The following AFF1 variants were observed in gnomAD, a reference collection of about 807,000 sequenced individuals.
The protein encoded by AFF1 is ALF transcription elongation factor 1.
In AFF1, 48 loss-of-function variants were observed where a neutral mutation model predicts 121.7. That is an observed-to-expected ratio of 0.39 (90% CI 0.31 to 0.50). The LOEUF (loss-of-function observed/expected upper bound fraction) is 0.50, where lower values mean the gene tolerates loss of function less well. Among genes scored for constraint, AFF1 ranks in the 20% least tolerant of loss-of-function variants. The pLI is 0.76. For synonymous variants in AFF1, 613 were observed against 563.0 expected (o/e 1.09, Z -1.26); for missense variants, 1,523 against 1,511.7 (o/e 1.01, Z -0.12).
chr4:87,135,842 A>C lies in AFF1; in HGVS notation c.*141A>C, dbSNP rs1238106265. Reference sequence around the variant, plus strand: ...AGATGGCCAGGACATTTGTCCACTTAAACTCTCAACAACAGTGTGATCATT... The same window carrying C: ...AGATGGCCAGGACATTTGTCCACTTCAACTCTCAACAACAGTGTGATCATT... On this transcript the variant is annotated 3_prime_UTR_variant, in exon 21 of 21. Coordinates refer to ENST00000395146, the MANE Select transcript of AFF1 (RefSeq NM_001166693.3). 7.7e-7 allele frequency: 1 copy of C among 1,294,730 alleles called. No individual in the cohort carries two copies. The highest frequency in any genetic ancestry group is 2.6e-5 in the East Asian group (1 of 38,332). 80.2% of individuals were successfully genotyped at this position (1,294,730 alleles called of 1,614,324 possible).
At chr4:87,010,911 C>CTA (rs1726672139) in intron 2 of AFF1, among the ~76,000 whole-genome samples, 1 of 151,906 alleles carries the variant, frequency 6.6e-6, no homozygotes, top group South Asian at 2.1e-4. Context: ...CCCATCTCTA[C>CTA]TAAAAATACA....
At chr4:87,012,956 C>G (rs1726929779) in intron 2 of AFF1, among the ~76,000 whole-genome samples, 1 of 150,852 alleles carries the variant, frequency 6.6e-6, no homozygotes, top group South Asian at 2.1e-4. Flanking sequence ...GTCTTGTTCT[C>G]TGCTGAATGT....
At chr4:87,031,905 T>G (rs1035914425) in intron 2 of AFF1, among the ~76,000 whole-genome samples, 6 of 152,240 alleles carry the variant, frequency 3.9e-5, no homozygotes, top group Non-Finnish European at 8.8e-5. Flanking sequence ...TCTCAGATTC[T>G]AATTTTTAGC....
chr4:87,015,947 C>T (rs929883662), intron 2 of AFF1, among the ~76,000 whole-genome samples: 1 of 152,134 alleles, frequency 6.6e-6, no homozygotes, highest in Admixed American at 6.5e-5. Flanking sequence ...CTGGGAGGCC[C>T]AGGCAGGCGG....
rs1729564453 is a variant in AFF1 at position 87,139,644 on chromosome 4, G to GT, written c.*3945dup. ...TTTTTCCCCTCCTGTTCTTGAGCCA[G>GT]TTGTCTCTTTTGTTTTGGGTCCCAC... On this transcript the variant is annotated 3_prime_UTR_variant, in exon 21 of 21. Transcript: ENST00000395146. 4.4e-6 allele frequency: 1 copy of GT among 229,498 alleles called. No individual in the cohort carries two copies. The highest frequency in any genetic ancestry group is 1.8e-4 in the South Asian group (1 of 5,490). The allele number at this position is 229,498 out of a possible 1,614,324, so 14.2% of individuals were successfully genotyped here.
At chr4:86,956,564 A>C (rs912754667) in intron 2 of AFF1, among the ~76,000 whole-genome samples, 2 of 152,206 alleles carry the variant, frequency 1.3e-5, no homozygotes, top group Non-Finnish European at 2.9e-5. Context: ...ATTTTCATCT[A>C]GATGGAACTA....
chr4:87,105,874 C>G (rs765062024), intron 10 of AFF1, 29 bp downstream of exon 10: 7 of 1,612,926 alleles, frequency 4.3e-6, no homozygotes, highest in Non-Finnish European at 5.9e-6. Context: ...CCCATCTGTA[C>G]AGAATGTTTG....
At chr4:87,010,487 GCTTT>G (rs1186627309) in intron 2 of AFF1, among the ~76,000 whole-genome samples, 1 of 152,126 alleles carries the variant, frequency 6.6e-6, no homozygotes, top group African/African-American at 2.4e-5. Context: ...CAACAAACTT[GCTTT>G]CTTTGATGTG....
At chr4:87,116,815 G>T (rs943682400) in intron 12 of AFF1, among the ~76,000 whole-genome samples, 4 of 151,778 alleles carry the variant, frequency 2.6e-5, no homozygotes, top group Non-Finnish European at 5.9e-5. Flanking sequence ...TAAACTTTTT[G>T]TATGGGATGG....
chr4:87,072,180 G>A (rs1046036000), intron 4 of AFF1, among the ~76,000 whole-genome samples: 5 of 152,036 alleles, frequency 3.3e-5, no homozygotes, highest in Non-Finnish European at 4.4e-5. Flanking sequence ...TGGCTAACAC[G>A]GTGAAGACCC....
Position 87,136,456 on chromosome 4 carries a change from G to A in AFF1, c.*755G>A. On this transcript the variant is annotated 3_prime_UTR_variant, in exon 21 of 21. Transcript: ENST00000395146. ...GAGGAGGAGCCACAGCACATGGGGTGCCACCTCGAGGTCTGCACAGGAGGA... is the reference window on the plus strand; with the variant it reads ...GAGGAGGAGCCACAGCACATGGGGTACCACCTCGAGGTCTGCACAGGAGGA... 1 of 232,594 alleles carries A rather than the reference G, an allele frequency of 4.3e-6. No homozygotes were observed. 14.4% of individuals were successfully genotyped at this position (232,594 alleles called of 1,614,324 possible).
At chr4:87,083,708 T>C (rs766632528) in intron 4 of AFF1, among the ~76,000 whole-genome samples, 15 of 152,206 alleles carry the variant, frequency 9.9e-5, no homozygotes, top group Non-Finnish European at 1.6e-4. Flanking sequence ...TCTGCCATTG[T>C]CTCCATCATT....
At chr4:87,109,859 G>T (rs1014545972) in intron 11 of AFF1, among the ~76,000 whole-genome samples, 2 of 152,152 alleles carry the variant, frequency 1.3e-5, no homozygotes, top group East Asian at 3.8e-4. Context: ...AATAAAAAAG[G>T]CTAGTATTGT....
chr4:86,969,743 C>G (rs919937615), intron 2 of AFF1, among the ~76,000 whole-genome samples: 3 of 149,424 alleles, frequency 2.0e-5, no homozygotes, highest in Admixed American at 6.7e-5. Flanking sequence ...AGCTGGGCGC[C>G]GGGGCGGGTG....
intron 19 of AFF1, among the ~76,000 whole-genome samples, chr4:87,132,768 G>A (rs185806427): frequency 5.3e-5 from 8 of 152,292 alleles, no homozygotes; most frequent in Non-Finnish European, 7.3e-5. Context: ...TTGGCTTACT[G>A]CAACCTCCAC....
rs1487573254 is a variant in AFF1, at chr4:87,139,136, T to C, written c.*3435T>C. 1 of 229,640 alleles carries C rather than the reference T, an allele frequency of 4.4e-6. No homozygotes were observed. Among genetic ancestry groups the C allele is most frequent in the East Asian group, 6.2e-5 (1 of 16,110 alleles). The allele number at this position is 229,640 out of a possible 1,614,324, so 14.2% of individuals were successfully genotyped here. Reference sequence around the variant, plus strand: ...TCTGATATACAAAGGGATATAAATATATACACTTAAATAGAGAAAAAGAGG... The same window carrying C: ...TCTGATATACAAAGGGATATAAATACATACACTTAAATAGAGAAAAAGAGG... On this transcript the variant is annotated 3_prime_UTR_variant, in exon 21 of 21. Coordinates refer to ENST00000395146, the MANE Select transcript of AFF1 (RefSeq NM_001166693.3).
At chr4:87,012,961 G>C (rs1726930034) in intron 2 of AFF1, among the ~76,000 whole-genome samples, 1 of 150,860 alleles carries the variant, frequency 6.6e-6, no homozygotes, top group Non-Finnish European at 1.5e-5. Flanking sequence ...GTTCTCTGCT[G>C]AATGTCTGTT....
intron 4 of AFF1, among the ~76,000 whole-genome samples, chr4:87,060,069 T>G (rs750835709): frequency 8.5e-5 from 13 of 152,222 alleles, no homozygotes; most frequent in Non-Finnish European, 1.2e-4. Flanking sequence ...GACACTTGAC[T>G]GGGAAATGGG....
chr4:87,092,153 T>C (rs950709118), intron 7 of AFF1, among the ~76,000 whole-genome samples: 4 of 152,118 alleles, frequency 2.6e-5, no homozygotes, highest in Non-Finnish European at 4.4e-5. Context: ...CTTGGAGTCA[T>C]GTGCCTGTGG....
Sources: gnomAD v4.1 joint callset for allele counts (sites outside exome capture counted in the v4.1 genomes callset) on GRCh38, gnomAD v4.1.1 for gene constraint, MANE v1.5 for transcripts, NCBI Gene and HGNC (gene_info 2026-07-23, HGNC 2026-07-21) for gene names.